Variants in MYO6 observed in about 807,000 individuals in gnomAD.
The protein encoded by MYO6 is unconventional myosin-VI.
A neutral mutation model predicts 178.7 loss-of-function variants in MYO6; 74 were observed. The ratio of observed to expected loss-of-function variants is 0.41; its 90% confidence interval spans 0.34 to 0.50. The LOEUF is 0.50. Ranked by LOEUF, MYO6 falls within the 20% of genes least tolerant of loss-of-function variation. The pLI is 0.09. For synonymous variants in MYO6, 477 were observed against 504.6 expected (o/e 0.95, Z 0.73); for missense variants, 1,330 against 1,547.4 (o/e 0.86, Z 2.36).
intron 1 of MYO6, among the ~76,000 whole-genome samples, chr6:75,771,235 C>G (rs1029689236): frequency 2.0e-5 from 3 of 152,236 alleles, no homozygotes; most frequent in Middle Eastern, 6.8e-3. Context: ...CTCCTAAGCT[C>G]AAGTGATCTG....
intron 5 of MYO6, 61 bp downstream of exon 5, chr6:75,830,606 A>C: frequency 6.6e-7 from 1 of 1,513,132 alleles, no homozygotes; most frequent in Non-Finnish European, 9.1e-7. Flanking sequence ...AATTTACTCA[A>C]TTTTTCTTTT....
intron 3 of MYO6, among the ~76,000 whole-genome samples, chr6:75,826,509 A>T (rs1352948519): frequency 6.6e-6 from 1 of 152,152 alleles, no homozygotes; most frequent in Non-Finnish European, 1.5e-5. Flanking sequence ...AGCAGTGACA[A>T]CATCATGCAA....
intron 5 of MYO6, 132 bp downstream of exon 5, chr6:75,830,677 A>G (rs1772992207): frequency 1.2e-6 from 1 of 841,914 alleles, no homozygotes; most frequent in East Asian, 2.7e-5. Context: ...TACCTCTTGG[A>G]TATATCAACA....
intron 20 of MYO6, 112 bp downstream of exon 20, chr6:75,873,412 T>C: frequency 1.1e-6 from 1 of 895,768 alleles, no homozygotes; most frequent in Non-Finnish European, 1.8e-6. Flanking sequence ...TACAGTGCAA[T>C]AAAATTTTCA....
At chr6:75,827,366 ATC>A (rs1241325621) in intron 3 of MYO6, among the ~76,000 whole-genome samples, 2 of 152,218 alleles carry the variant, frequency 1.3e-5, no homozygotes, top group Non-Finnish European at 2.9e-5. Context: ...TGATACCTGC[ATC>A]TAATAAATAG....
chr6:75,899,393 C>G (rs941743037), intron 30 of MYO6, among the ~76,000 whole-genome samples: 16 of 152,080 alleles, frequency 1.1e-4, no homozygotes, highest in African/African-American at 2.9e-4. Flanking sequence ...TAATTTTCAG[C>G]TGCCCTCCTA....
intron 1 of MYO6, among the ~76,000 whole-genome samples, chr6:75,805,795 T>C (rs1396080833): frequency 1.3e-5 from 2 of 152,198 alleles, no homozygotes; most frequent in African/African-American, 4.8e-5. Flanking sequence ...ATTCTTATTA[T>C]TTTTTTCTTT....
At chr6:75,830,371 A>G (rs200967297) in intron 4 of MYO6, 45 bp from the exon 5 acceptor site, 403 of 1,562,628 alleles carry the variant, frequency 2.6e-4, no homozygotes, top group Non-Finnish European at 3.5e-4. Context: ...TCTTTAAATG[A>G]AAATAGTAAT....
intron 1 of MYO6, among the ~76,000 whole-genome samples, chr6:75,763,980 T>C (rs1778173693): frequency 6.6e-6 from 1 of 152,230 alleles, no homozygotes; most frequent in African/African-American, 2.4e-5. Context: ...CAGTGACTAC[T>C]CTGTAACTAA....
chr6:75,786,767 C>T (rs976861525), intron 1 of MYO6, among the ~76,000 whole-genome samples: 2 of 152,174 alleles, frequency 1.3e-5, no homozygotes, highest in African/African-American at 4.8e-5. Context: ...CATACATATA[C>T]ACACGTCTTG....
At position 75,828,696 on chromosome 6, in the gene MYO6, G is replaced by T. The variant is rs1166573153; in HGVS notation, c.261+83G>T. 5 of 897,026 alleles carry T rather than the reference G, an allele frequency of 5.6e-6. No individual in the cohort carries two copies. The Admixed American group carries it at 8.7e-5, about 16-fold the overall frequency. 55.6% of individuals were successfully genotyped at this position (897,026 alleles called of 1,614,324 possible). A position where few individuals can be genotyped will look rare whatever the true frequency, so the allele number is the denominator to read the frequency against. ...CTTTGATTTTGTCACGCTTGAAATT[G>T]TCTAACAGAAAATCATGCTTGATCT... On this transcript the variant is annotated intron_variant, in intron 4 of 34. Transcript: ENST00000369977.
intron 1 of MYO6, among the ~76,000 whole-genome samples, chr6:75,767,030 C>CT (rs34267670): frequency 0.034 from 5,001 of 145,130 alleles, 147 homozygotes; most frequent in East Asian, 0.13. Context: ...TCAATTCATT[C>CT]TTTTTTTTTT....
chr6:75,773,918 A>G lies in MYO6; in HGVS notation c.-48+24495A>G, dbSNP rs553985211. On this transcript the variant is annotated intron_variant, in intron 1 of 34. Coordinates refer to ENST00000369977, the MANE Select transcript of MYO6 (RefSeq NM_004999.4). ...GTGAATAAGAATCTTTGATATTTCT[A>G]TTACATAGAGATAATCACTAGTTTT... Among the ~76,000 whole-genome samples, 3 of 152,232 alleles carry G rather than the reference A, an allele frequency of 2.0e-5. No homozygotes were observed. The South Asian group carries it at 6.2e-4, about 32-fold the overall frequency.
intron 29 of MYO6, among the ~76,000 whole-genome samples, chr6:75,897,319 G>C (rs1228364508): frequency 1.3e-5 from 2 of 152,172 alleles, no homozygotes; most frequent in African/African-American, 4.8e-5. Flanking sequence ...AAGAGAGATT[G>C]ATAAATGTAT....
At chr6:75,790,484 C>T (rs1275305113) in intron 1 of MYO6, among the ~76,000 whole-genome samples, 1 of 151,730 alleles carries the variant, frequency 6.6e-6, no homozygotes, top group Non-Finnish European at 1.5e-5. Flanking sequence ...TGGGTTCAAG[C>T]AATTCTCTTG....
At chr6:75,750,572 T>C (rs1776794274) in intron 1 of MYO6, among the ~76,000 whole-genome samples, 1 of 150,836 alleles carries the variant, frequency 6.6e-6, no homozygotes, top group African/African-American at 2.4e-5. Context: ...ATAGATGCAG[T>C]CTATCTAAAT....
chr6:75,835,735 A>G (rs1773579652), intron 6 of MYO6, among the ~76,000 whole-genome samples, 166 bp from the exon 7 acceptor site: 1 of 152,138 alleles, frequency 6.6e-6, no homozygotes, highest in Non-Finnish European at 1.5e-5. Context: ...CCTGACCCCA[A>G]ATAGAATTTT....
intron 30 of MYO6, among the ~76,000 whole-genome samples, chr6:75,905,330 G>A (rs980593336): frequency 4.6e-5 from 7 of 152,308 alleles, no homozygotes; most frequent in South Asian, 2.1e-4. Context: ...CCTCACTGCC[G>A]CCTTGCAGTT....
chr6:75,852,392 G>A lies in MYO6; in HGVS notation c.1079-2747G>A, dbSNP rs1775365724. Among the ~76,000 whole-genome samples, 3 of 151,792 alleles carry A rather than the reference G, an allele frequency of 2.0e-5. No individual in the cohort carries two copies. In the South Asian group the frequency reaches 6.3e-4, roughly 32 times the overall value. On this transcript the variant is annotated intron_variant, in intron 11 of 34. Transcript: ENST00000369977. ...AATATACCATACAGTTCACTCAATT[G>A]AAGTGTATATTTCAGTGGTTTTCAG...
Sources: allele counts gnomAD v4.1 joint callset (sites outside exome capture counted in the v4.1 genomes callset), GRCh38; gene constraint gnomAD v4.1.1; transcripts MANE v1.5; gene names NCBI Gene and HGNC (gene_info 2026-07-23, HGNC 2026-07-21).